The following SMIM35 variants were observed in gnomAD, a reference collection of about 807,000 sequenced individuals.
SMIM35 encodes the protein TMPRSS4 antisense RNA 1 (non-protein coding).
chr11:118,057,308 G>A (rs1489500160), intron 1 of SMIM35, among the ~76,000 whole-genome samples: 1 of 152,166 alleles, frequency 6.6e-6, no homozygotes, highest in African/African-American at 2.4e-5. Context: ...GATAAGGAGA[G>A]GCAAGACATG....
chr11:118,073,606 C>T (rs1408374116), intron 1 of SMIM35, among the ~76,000 whole-genome samples: 3 of 152,198 alleles, frequency 2.0e-5, no homozygotes, highest in Non-Finnish European at 4.4e-5. Context: ...TCAGGCTGGC[C>T]CATAAGGAAA....
chr11:118,011,705 A>G (rs925392866), intron 4 of SMIM35, among the ~76,000 whole-genome samples: 12 of 152,218 alleles, frequency 7.9e-5, no homozygotes, highest in African/African-American at 2.6e-4. Flanking sequence ...AAAAGAAAGA[A>G]AGAAAGTTTT....
At chr11:118,066,162 C>T (rs1401027152) in intron 1 of SMIM35, among the ~76,000 whole-genome samples, 1 of 152,162 alleles carries the variant, frequency 6.6e-6, no homozygotes, top group Admixed American at 6.5e-5. Flanking sequence ...CCCAAACCCA[C>T]CTCTGTTTGC....
intron 1 of SMIM35, among the ~76,000 whole-genome samples, chr11:118,026,444 T>A (rs191489056): frequency 1.1e-4 from 16 of 152,336 alleles, no homozygotes; most frequent in Admixed American, 6.5e-4. Context: ...AGGTGATTTC[T>A]CTGTGGCTAA....
chr11:118,066,012 G>A (rs1263391267), intron 1 of SMIM35, among the ~76,000 whole-genome samples: 7 of 151,964 alleles, frequency 4.6e-5, no homozygotes, highest in African/African-American at 1.5e-4. Context: ...CAGCCCGCTC[G>A]CTCACCTGGG....
At chr11:118,015,372 G>C (rs987182632) in intron 2 of SMIM35, among the ~76,000 whole-genome samples, 1 of 152,166 alleles carries the variant, frequency 6.6e-6, no homozygotes. Flanking sequence ...TTGGAGCTTG[G>C]CCTGTCTAGC....
At chr11:118,015,599 C>T in intron 2 of SMIM35, 94 bp downstream of exon 2, 1 of 399,034 alleles carries the variant, frequency 2.5e-6, no homozygotes, top group East Asian at 3.6e-5. Context: ...TCCCACCATG[C>T]TGAAGAGTTT....
intron 1 of SMIM35, among the ~76,000 whole-genome samples, chr11:118,023,776 T>C (rs1471912069): frequency 6.6e-6 from 1 of 152,140 alleles, no homozygotes; most frequent in Admixed American, 6.6e-5. Context: ...CTCACGCCTG[T>C]AATCCCAGCA....
At chr11:118,082,257 A>G (rs1391648474) in intron 1 of SMIM35, among the ~76,000 whole-genome samples, 2 of 152,166 alleles carry the variant, frequency 1.3e-5, no homozygotes, top group Non-Finnish European at 2.9e-5. Flanking sequence ...TCCTCATTCT[A>G]CAGATGAAGA....
chr11:118,056,526 C>T (rs1944312453), intron 1 of SMIM35, among the ~76,000 whole-genome samples: 1 of 152,176 alleles, frequency 6.6e-6, no homozygotes, highest in South Asian at 2.1e-4. Flanking sequence ...AGGAGATGTC[C>T]ATGGGGCAAT....
intron 1 of SMIM35, among the ~76,000 whole-genome samples, chr11:118,085,779 C>T (rs12280897): frequency 0.017 from 2,595 of 152,276 alleles, 68 homozygotes; most frequent in African/African-American, 0.057. Context: ...CCCCTCCAGC[C>T]ATTGTCCAGG....
chr11:118,007,689 C>T (rs1488140467), intron 4 of SMIM35, among the ~76,000 whole-genome samples: 6 of 151,884 alleles, frequency 4.0e-5, no homozygotes, highest in Non-Finnish European at 8.8e-5. Context: ...CCACTGTGCC[C>T]GGCCGAAGAT....
chr11:118,070,294 G>A (rs530895064), intron 1 of SMIM35, among the ~76,000 whole-genome samples: 2 of 151,814 alleles, frequency 1.3e-5, no homozygotes, highest in Admixed American at 6.6e-5. Context: ...CTCCTGCCTC[G>A]GGCTCCCCAG....
chr11:118,038,248 T>C (rs545119146), intron 1 of SMIM35, among the ~76,000 whole-genome samples: 1 of 152,332 alleles, frequency 6.6e-6, no homozygotes, highest in Non-Finnish European at 1.5e-5. Flanking sequence ...TGTTGGGCAG[T>C]GTCGTCCTGC....
At chr11:118,065,399 G>T (rs1264961544) in intron 1 of SMIM35, among the ~76,000 whole-genome samples, 1 of 152,208 alleles carries the variant, frequency 6.6e-6, no homozygotes, top group East Asian at 1.9e-4. Context: ...GGAGAATAGG[G>T]CCTGGAGGCA....
chr11:118,074,899 C>T (rs938384305), intron 1 of SMIM35, among the ~76,000 whole-genome samples: 7 of 152,160 alleles, frequency 4.6e-5, no homozygotes, highest in African/African-American at 1.4e-4. Flanking sequence ...CTGCCCAGTC[C>T]TGCTTATGTG....
chr11:118,008,569 G>A (rs1344763931), intron 4 of SMIM35, among the ~76,000 whole-genome samples: 1 of 152,226 alleles, frequency 6.6e-6, no homozygotes, highest in Non-Finnish European at 1.5e-5. Context: ...TATCCTTTAA[G>A]ATAGAAAAAT....
chr11:118,014,866 G>T (rs1021661974), intron 2 of SMIM35, 125 bp from the exon 3 acceptor site: 26 of 396,736 alleles, frequency 6.6e-5, no homozygotes, highest in African/African-American at 4.9e-4. Flanking sequence ...CTGGACCTCA[G>T]GATGGTGTGG....
Position 118,074,935 on chromosome 11 carries a change from C to A in SMIM35, c.7+11816G>T, listed in dbSNP as rs541362274. On this transcript the variant is annotated intron_variant, in intron 1 of 4. Transcript: ENST00000689828. ...CCTTCTTCCCGGACCTCTCCACAAACTCCCAGACCCAAATGGGAGCAGAAG... is the reference window on the plus strand; with the variant it reads ...CCTTCTTCCCGGACCTCTCCACAAAATCCCAGACCCAAATGGGAGCAGAAG... Among the ~76,000 whole-genome samples the A allele has an allele frequency of 2.6e-5, 4 of 152,290 alleles. No individual in the cohort carries two copies. The East Asian group carries it at 5.8e-4, about 22-fold the overall frequency.
Sources: gnomAD v4.1 joint callset for allele counts (sites outside exome capture counted in the v4.1 genomes callset) on GRCh38, gnomAD v4.1.1 for gene constraint, MANE v1.5 for transcripts, NCBI Gene and HGNC (gene_info 2026-07-23, HGNC 2026-07-21) for gene names.